The following ZFPM1 variants were observed in gnomAD, a reference collection of about 807,000 sequenced individuals.
The protein encoded by ZFPM1 is zinc finger protein, FOG family member 1, also known as zinc finger protein ZFPM1.
In ZFPM1, 28 loss-of-function variants were observed where a neutral mutation model predicts 46.3. That is an observed-to-expected ratio of 0.60 (90% CI 0.45 to 0.83). ZFPM1 has a LOEUF of 0.83. ZFPM1 is among the 40% of genes least tolerant of loss of function. ZFPM1 has a pLI of 0.00. For synonymous variants in ZFPM1, 957 were observed against 675.9 expected, an observed-to-expected ratio of 1.42 and a Z score of -6.45; for missense variants, 1,878 against 1,432.4, an observed-to-expected ratio of 1.31 and a Z score of -5.02.
intron 1 of ZFPM1, among the ~76,000 whole-genome samples, chr16:88,460,896 TGGGAGGCCTGGTGAGGACCGAGGGGC>T (rs1907788829): frequency 9.0e-6 from 1 of 110,580 alleles, no homozygotes; most frequent in African/African-American, 3.3e-5. Context: ...GACTGAGGGA[TGGGAGGCCTGGTGAGGACCGAGGGGC>T]GGGGCGGGAG....
In ZFPM1 at chr16:88,471,453, G is replaced by A. The variant is rs934995102; in HGVS notation, c.41-14486G>A. Reference sequence around the variant, plus strand: ...ACCCCAAGATGACCATGGCTGCGGTGGCTCCTGCTCACAGTGGGGGATGCC... The same window carrying A: ...ACCCCAAGATGACCATGGCTGCGGTAGCTCCTGCTCACAGTGGGGGATGCC... On this transcript the variant is annotated intron_variant, in intron 1 of 9. Transcript: ENST00000319555. This position sits in a 1 kb window ranked among gnomAD's most constrained non-coding sequence, Gnocchi z 4.1. 6.6e-6 allele frequency among the ~76,000 whole-genome samples: 1 copy of A among 150,860 alleles called. No individual in the cohort carries two copies. Among genetic ancestry groups the A allele is most frequent in the Admixed American group, 6.6e-5 (1 of 15,220 alleles).
intron 1 of ZFPM1, among the ~76,000 whole-genome samples, chr16:88,467,701 C>T (rs2142349818): frequency 1.3e-5 from 2 of 152,308 alleles, no homozygotes; most frequent in East Asian, 3.9e-4. Flanking sequence ...GTGTTGGGCA[C>T]AGCGGGCCCT....
rs117935166 is a variant in ZFPM1 at position 88,461,448 on chromosome 16, G to A, written c.40+7770G>A. 5.1e-4 allele frequency among the ~76,000 whole-genome samples: 78 copies of A among 152,278 alleles called. 2 individuals are homozygous for A. In the East Asian group the frequency reaches 0.012, roughly 23 times the overall value. ...TCTGGGGACCGCTTCGGACAACAGC[G>A]CAACCTCACGTCCTGGCCTGGCCTT... On this transcript the variant is annotated intron_variant, in intron 1 of 9. Transcript: ENST00000319555.
chr16:88,518,508 T>C (rs936062890), intron 4 of ZFPM1, among the ~76,000 whole-genome samples: 6 of 149,968 alleles, frequency 4.0e-5, no homozygotes, highest in Non-Finnish European at 7.4e-5. Flanking sequence ...GGTAGATGGA[T>C]TGACAGCTGG....
chr16:88,492,213 A>C (rs1597247769), intron 3 of ZFPM1, among the ~76,000 whole-genome samples: 2 of 145,830 alleles, frequency 1.4e-5, no homozygotes, highest in East Asian at 2.0e-4. Context: ...GTCTCTCTCC[A>C]TGCCTCTCTC....
intron 1 of ZFPM1, among the ~76,000 whole-genome samples, chr16:88,466,585 G>C (rs1326475038): frequency 6.6e-6 from 1 of 152,212 alleles, no homozygotes; most frequent in Non-Finnish European, 1.5e-5. Flanking sequence ...GCCCATCCTG[G>C]CAGTGGGAGG....
chr16:88,526,888 C>T lies in ZFPM1; in HGVS notation c.477C>T (p.Ala159=), dbSNP rs114240624. The change falls in exon 5 of 10, where the codon GCC becomes GCT. Residue 159 remains alanine, a synonymous_variant. Coordinates refer to ENST00000319555, the MANE Select transcript of ZFPM1 (RefSeq NM_153813.3). ...CGCTGCCCCAGGCCCTGACTGAGGCCGAGGCCAACACAGAGATCCACAGGA... is the reference window on the plus strand; with the variant it reads ...CGCTGCCCCAGGCCCTGACTGAGGCTGAGGCCAACACAGAGATCCACAGGA... The part of the protein sequence containing the change: ...LRTLPQALTE[A]EANTEIHRKD... The T allele has an allele frequency of 1.3e-3, 2,102 of 1,579,884 alleles. 25 individuals are homozygous for T. The African/African-American group carries it at 0.025, about 19-fold the overall frequency.
At chr16:88,468,982 C>G (rs1908291010) in intron 1 of ZFPM1, 1 of 154,210 alleles carries the variant, frequency 6.5e-6, no homozygotes. Context: ...CTCTGGATGA[C>G]CTGCCAACCG....
At chr16:88,512,766 C>T (rs562915934) in intron 3 of ZFPM1, among the ~76,000 whole-genome samples, 8 of 152,266 alleles carry the variant, frequency 5.3e-5, no homozygotes, top group Non-Finnish European at 8.8e-5. Flanking sequence ...GAGCTCCCAT[C>T]GGGGGAGTCT....
intron 3 of ZFPM1, among the ~76,000 whole-genome samples, chr16:88,505,578 G>A (rs754685907): frequency 6.6e-6 from 1 of 152,172 alleles, no homozygotes; most frequent in Non-Finnish European, 1.5e-5. Flanking sequence ...ATCGCCCTCC[G>A]CACGACGGCT....
chr16:88,501,149 G>A (rs1364267343), intron 3 of ZFPM1, among the ~76,000 whole-genome samples: 9 of 128,876 alleles, frequency 7.0e-5, no homozygotes, highest in South Asian at 2.4e-4. Context: ...TCCCGCAGGT[G>A]CTGGTGATGA....
chr16:88,532,558 TG>T, intron 7 of ZFPM1, 55 bp from the exon 8 acceptor site: 1 of 1,522,118 alleles, frequency 6.6e-7, no homozygotes. Context: ...TCCTCATCCC[TG>T]GAGTCCCAAG....
chr16:88,534,670 C>A lies in ZFPM1; in HGVS notation c.2712C>A (p.Pro904=). 3.4e-5 allele frequency: 34 copies of A among 994,694 alleles called. No homozygotes were observed. Among genetic ancestry groups the A allele is most frequent in the Non-Finnish European group, 4.1e-5 (34 of 837,822 alleles). The allele number at this position is 994,694 out of a possible 1,614,324, so 61.6% of individuals were successfully genotyped here. The change falls in exon 10 of 10, where the codon CCC becomes CCA. Residue 904 remains proline (P), a synonymous_variant. Transcript: ENST00000319555. ...TPADRGPSPA[P]APAASPQPGS... The stretch of plus-strand genomic sequence containing the variant: ...CCGACCGCGGCCCCTCGCCCGCTCC[C>A]GCCCCCGCCGCCTCCCCGCAGCCCG...
chr16:88,474,797 G>A (rs545030839), intron 1 of ZFPM1, among the ~76,000 whole-genome samples: 268 of 152,354 alleles, frequency 1.8e-3, no homozygotes, highest in African/African-American at 6.2e-3. Context: ...CCCTGCTGCA[G>A]AACCCCCAGG....
At chr16:88,499,824 CA>C (rs1910149053) in intron 3 of ZFPM1, among the ~76,000 whole-genome samples, 1 of 152,202 alleles carries the variant, frequency 6.6e-6, no homozygotes, top group Admixed American at 6.5e-5. Context: ...GGCCCAGGCC[CA>C]CCCATCCAGC....
chr16:88,492,347 G>T (rs1448273447), intron 3 of ZFPM1, among the ~76,000 whole-genome samples: 1 of 152,126 alleles, frequency 6.6e-6, no homozygotes, highest in African/African-American at 2.4e-5. Context: ...TTCTGAACCT[G>T]CCCCAGCCCC....
chr16:88,529,036 G>A (rs138944941), intron 6 of ZFPM1, among the ~76,000 whole-genome samples: 2 of 152,214 alleles, frequency 1.3e-5, no homozygotes, highest in African/African-American at 4.8e-5. Flanking sequence ...TCCCAGCACC[G>A]TGGGAGGCCG....
chr16:88,460,829 C>G (rs1283767434), intron 1 of ZFPM1, among the ~76,000 whole-genome samples: 1 of 151,690 alleles, frequency 6.6e-6, no homozygotes. Flanking sequence ...ACATGGTGCT[C>G]CTACTCCCGT....
intron 3 of ZFPM1, among the ~76,000 whole-genome samples, chr16:88,493,043 A>G (rs1170437072): frequency 7.1e-6 from 1 of 140,592 alleles, no homozygotes; most frequent in Admixed American, 7.0e-5. Context: ...CGGGGTATGG[A>G]GAGCTATCCC....
Sources: gnomAD v4.1 joint callset for allele counts (sites outside exome capture counted in the v4.1 genomes callset) on GRCh38, gnomAD v4.1.1 for gene constraint, Gnocchi (gnomAD v3.1) non-coding constraint, MANE v1.5 for transcripts, NCBI Gene and HGNC (gene_info 2026-07-23, HGNC 2026-07-21) for gene names.